The following FAM168A variants were observed in gnomAD, a reference collection of about 807,000 sequenced individuals.
FAM168A encodes family with sequence similarity 168 member A, also known as protein FAM168A.
FAM168A carries 3 observed loss-of-function variants against 28.5 expected under a neutral mutation model. The observed-to-expected ratio is 0.11, with a 90% CI of 0.05 to 0.27. The LOEUF (loss-of-function observed/expected upper bound fraction) is 0.27. FAM168A is among the 10% of genes least tolerant of loss of function. The probability of loss-of-function intolerance (pLI) is 1.00; values close to 1 mark genes in which losing one functional copy is unlikely to be tolerated. For missense variants in FAM168A, 222 were observed against 311.5 expected, an observed-to-expected ratio of 0.71 and a Z score of 2.16; for synonymous variants, 122 against 124.2, an observed-to-expected ratio of 0.98 and a Z score of 0.12.
intron 1 of FAM168A, among the ~76,000 whole-genome samples, chr11:73,573,877 T>A (rs930661117): frequency 1.3e-5 from 2 of 152,120 alleles, no homozygotes; most frequent in Admixed American, 6.5e-5. Flanking sequence ...GATCACTATG[T>A]CCAGGAGTTC....
chr11:73,566,581 T>C (rs1301227495), intron 1 of FAM168A, among the ~76,000 whole-genome samples: 9 of 152,108 alleles, frequency 5.9e-5, no homozygotes, highest in Admixed American at 5.9e-4. Context: ...AAGTCAGACC[T>C]CCAAATTTGG....
At chr11:73,529,758 C>T (rs905652754) in intron 1 of FAM168A, among the ~76,000 whole-genome samples, 2 of 150,748 alleles carry the variant, frequency 1.3e-5, no homozygotes, top group Non-Finnish European at 2.9e-5. Flanking sequence ...CTTTCCCTAT[C>T]TTCAAGAGAC....
At chr11:73,438,218 G>T (rs1275728046) in intron 2 of FAM168A, among the ~76,000 whole-genome samples, 2 of 152,104 alleles carry the variant, frequency 1.3e-5, no homozygotes, top group Non-Finnish European at 2.9e-5. Flanking sequence ...AGTCTAATGG[G>T]AAAATAATAT....
intron 1 of FAM168A, among the ~76,000 whole-genome samples, chr11:73,594,862 A>G (rs1944426506): frequency 6.6e-6 from 1 of 152,074 alleles, no homozygotes; most frequent in African/African-American, 2.4e-5. Flanking sequence ...GACTGAAATC[A>G]CTCAGCTTTC....
chr11:73,458,291 A>T (rs1191795964), intron 2 of FAM168A, among the ~76,000 whole-genome samples: 1 of 152,218 alleles, frequency 6.6e-6, no homozygotes. Context: ...TCTTCTTTAC[A>T]GAGGTGGGAA....
intron 1 of FAM168A, among the ~76,000 whole-genome samples, chr11:73,535,722 C>CTTT (rs59312114): frequency 1.5e-4 from 17 of 116,946 alleles, no homozygotes; most frequent in African/African-American, 4.1e-4. Flanking sequence ...CCTCACCCTT[C>CTTT]TTTTTTTTTT....
intron 1 of FAM168A, among the ~76,000 whole-genome samples, chr11:73,581,969 G>A (rs1000618510): frequency 2.2e-4 from 33 of 151,706 alleles, no homozygotes; most frequent in Admixed American, 1.9e-3. Context: ...CGCCCACCTC[G>A]GCCTCCCAAA....
intron 1 of FAM168A, among the ~76,000 whole-genome samples, chr11:73,501,278 A>G (rs1481555360): frequency 1.3e-5 from 2 of 152,262 alleles, no homozygotes; most frequent in Non-Finnish European, 2.9e-5. Context: ...AGTATCAGAC[A>G]GATCAATGAG....
chr11:73,441,062 CTT>C (rs368552302), intron 2 of FAM168A, among the ~76,000 whole-genome samples: 13 of 143,114 alleles, frequency 9.1e-5, no homozygotes, highest in Admixed American at 6.9e-5. Context: ...ATCAGACAGA[CTT>C]TTTTTTTTTT....
rs141568674 is a variant in FAM168A, at chr11:73,496,354, G to A, written c.-18-27862C>T. On this transcript the variant is annotated intron_variant, in intron 1 of 7. Transcript: ENST00000356467. Reference sequence around the variant, plus strand: ...GTTGTTCAACGGATATATTAGGTTGGTGCAAAAGTAATTGCGGCTTTGACC... The same window carrying A: ...GTTGTTCAACGGATATATTAGGTTGATGCAAAAGTAATTGCGGCTTTGACC... 2.0e-3 allele frequency among the ~76,000 whole-genome samples: 298 copies of A among 152,278 alleles called. 4 individuals are homozygous for A. Among genetic ancestry groups the A allele is most frequent in the African/African-American group, 6.6e-3 (273 of 41,550 alleles).
intron 1 of FAM168A, among the ~76,000 whole-genome samples, chr11:73,470,972 C>G (rs1399442875): frequency 6.6e-6 from 1 of 152,102 alleles, no homozygotes; most frequent in Non-Finnish European, 1.5e-5. Flanking sequence ...AGGAGGAGAT[C>G]ATGCCTGGGG....
At chr11:73,415,490 C>G (rs1190247518) in intron 4 of FAM168A, among the ~76,000 whole-genome samples, 1 of 152,210 alleles carries the variant, frequency 6.6e-6, no homozygotes, top group Admixed American at 6.5e-5. Flanking sequence ...TAAGTCAGGT[C>G]AATTCCTCTC....
intron 1 of FAM168A, among the ~76,000 whole-genome samples, chr11:73,554,937 G>A (rs1441552562): frequency 6.6e-6 from 1 of 152,156 alleles, no homozygotes; most frequent in East Asian, 1.9e-4. Flanking sequence ...CAAGATCATG[G>A]AACCTGTCAA....
intron 1 of FAM168A, among the ~76,000 whole-genome samples, chr11:73,587,719 T>C (rs1425611547): frequency 2.0e-5 from 3 of 152,148 alleles, no homozygotes; most frequent in African/African-American, 7.2e-5. Flanking sequence ...TCATATTCTA[T>C]GTGAAGAAAT....
At chr11:73,550,924 G>C (rs1255827477) in intron 1 of FAM168A, among the ~76,000 whole-genome samples, 2 of 152,096 alleles carry the variant, frequency 1.3e-5, no homozygotes, top group African/African-American at 4.8e-5. Flanking sequence ...TGGCTAACAT[G>C]GTGAAACCCT....
In FAM168A at chr11:73,404,973, T is replaced by C. The variant is rs1866478737; in HGVS notation, c.*1790A>G. ...CCAAGCGCTGGGTGCCGGAGGCTGCTGCTGGGCAATCCAGGCTCCTGGCTG... is the reference window on the plus strand; with the variant it reads ...CCAAGCGCTGGGTGCCGGAGGCTGCCGCTGGGCAATCCAGGCTCCTGGCTG... On this transcript the variant is annotated 3_prime_UTR_variant, in exon 8 of 8. Coordinates refer to ENST00000356467, the MANE Select transcript of FAM168A (RefSeq NM_015159.3). 1 of 152,264 alleles carries C rather than the reference T, an allele frequency of 6.6e-6. No homozygotes were observed. Among genetic ancestry groups the C allele is most frequent in the South Asian group, 2.1e-4 (1 of 4,834 alleles). The allele number at this position is 152,264 out of a possible 1,614,324, so 9.4% of individuals were successfully genotyped here.
chr11:73,408,192 T>C (rs1408419568), intron 6 of FAM168A, among the ~76,000 whole-genome samples: 1 of 152,208 alleles, frequency 6.6e-6, no homozygotes, highest in African/African-American at 2.4e-5. Flanking sequence ...TTTCTTTGTA[T>C]GCTTCTCTTA....
At chr11:73,566,019 A>T (rs1944017228) in intron 1 of FAM168A, among the ~76,000 whole-genome samples, 1 of 152,226 alleles carries the variant, frequency 6.6e-6, no homozygotes, top group Non-Finnish European at 1.5e-5. Flanking sequence ...GTTTGCATGC[A>T]ATTAGTTGAA....
At chr11:73,413,174 CT>C (rs1462478200) in intron 4 of FAM168A, among the ~76,000 whole-genome samples, 2 of 152,146 alleles carry the variant, frequency 1.3e-5, no homozygotes, top group South Asian at 2.1e-4. Flanking sequence ...CCCCCTGCCC[CT>C]GATGACTCAG....
Sources: gnomAD v4.1 joint callset for allele counts (sites outside exome capture counted in the v4.1 genomes callset) on GRCh38, gnomAD v4.1.1 for gene constraint, MANE v1.5 for transcripts, NCBI Gene and HGNC (gene_info 2026-07-23, HGNC 2026-07-21) for gene names.